Variants in FZR1 observed in about 807,000 individuals in gnomAD.
FZR1 encodes fizzy-related protein homolog.
A neutral mutation model predicts 63.6 loss-of-function variants in FZR1; 11 were observed. The ratio of observed to expected loss-of-function variants is 0.17; its 90% CI spans 0.11 to 0.29. FZR1 has a LOEUF of 0.29. Among genes scored for constraint, FZR1 ranks in the 10% least tolerant of loss-of-function variants. The pLI is 1.00. For synonymous variants in FZR1, 328 were observed against 297.9 expected (o/e 1.10, Z -1.04); for missense variants, 440 against 687.5 (o/e 0.64, Z 4.03).
At chr19:3,513,825 C>G (rs1011883258) in intron 1 of FZR1, among the ~76,000 whole-genome samples, 4 of 152,166 alleles carry the variant, frequency 2.6e-5, no homozygotes, top group African/African-American at 9.7e-5. Flanking sequence ...CCAGTGTCCA[C>G]TGGGCCAGGG....
In FZR1 at chr19:3,515,181, GTCAC is replaced by G. The variant is rs2083050124; in HGVS notation, c.-34-7769_-34-7766del. On this transcript the variant is annotated intron_variant, in intron 1 of 13. Transcript: ENST00000441788. The surrounding 1 kb of genome is among the most constrained non-coding windows in gnomAD (Gnocchi z 4.6). The stretch of plus-strand genomic sequence containing the variant: ...CTCTGCAGGGCCTGGCGGAGCACGA[GTCAC>G]TCACTGATTCACTGCTGATGTGCAG... Among the ~76,000 whole-genome samples, 2 of 152,232 alleles carry G rather than the reference GTCAC, an allele frequency of 1.3e-5. No homozygotes were observed. Among genetic ancestry groups the G allele is most frequent in the Admixed American group, 1.3e-4 (2 of 15,288 alleles).
At chr19:3,518,122 C>A (rs1258308087) in intron 1 of FZR1, among the ~76,000 whole-genome samples, 1 of 149,858 alleles carries the variant, frequency 6.7e-6, no homozygotes, top group Non-Finnish European at 1.5e-5. Context: ...TCAAGTGATT[C>A]ACCTGCCTCA....
rs915613535 is a variant in FZR1, at chr19:3,533,852, G to A, written c.1347+454G>A. 3 of 174,390 alleles carry A rather than the reference G, an allele frequency of 1.7e-5. No homozygotes were observed. The highest frequency in any genetic ancestry group is 1.5e-4 in the South Asian group (1 of 6,890). 10.8% of individuals were successfully genotyped at this position (174,390 alleles called of 1,614,324 possible). A position where few individuals can be genotyped will look rare whatever the true frequency, so the allele number is the denominator to read the frequency against. ...AAACATGTTCTGTGCTTTCATCCGCGCATCTGACAGTCCCTCATCTGTGCA... is the reference window on the plus strand; with the variant it reads ...AAACATGTTCTGTGCTTTCATCCGCACATCTGACAGTCCCTCATCTGTGCA... On this transcript the variant is annotated intron_variant, in intron 12 of 13. Coordinates refer to ENST00000441788, the MANE Select transcript of FZR1 (RefSeq NM_016263.4). The surrounding 1 kb of genome is among the most constrained non-coding windows in gnomAD (Gnocchi z 4.9).
Position 3,536,401 on chromosome 19 carries a change from G to A in FZR1, c.*1565G>A, listed in dbSNP as rs1020608517. The A allele has an allele frequency of 6.6e-6, 1 of 152,256 alleles. No homozygotes were observed. Among genetic ancestry groups the A allele is most frequent in the African/African-American group, 2.4e-5 (1 of 41,454 alleles). 9.4% of individuals were successfully genotyped at this position (152,256 alleles called of 1,614,324 possible). ...ACCCCTCACTGTGCGCCTGTGCAGG[G>A]GGTGCTGGTGCACGTGGCAGTGTGG... On this transcript the variant is annotated 3_prime_UTR_variant, in exon 14 of 14. Transcript: ENST00000441788.
At position 3,514,009 on chromosome 19, in the gene FZR1, G is replaced by A. The variant is rs954281546; in HGVS notation, c.-35+7535G>A. On this transcript the variant is annotated intron_variant, in intron 1 of 13. Coordinates refer to ENST00000441788, the MANE Select transcript of FZR1 (RefSeq NM_016263.4). The surrounding 1 kb of genome is among the most constrained non-coding windows in gnomAD (Gnocchi z 4.2). Reference sequence around the variant, plus strand: ...AGTTTTCCCAGCCAAGCAAGGCGTTGCAGGAGTAGGAGCTTGGCTGAGCCT... The same window carrying A: ...AGTTTTCCCAGCCAAGCAAGGCGTTACAGGAGTAGGAGCTTGGCTGAGCCT... Among the ~76,000 whole-genome samples, 1 of 152,218 alleles carries A rather than the reference G, an allele frequency of 6.6e-6. No homozygotes were observed. The highest frequency in any genetic ancestry group is 6.5e-5 in the Admixed American group (1 of 15,290).
At chr19:3,532,186 C>T (rs974863865) in intron 10 of FZR1, 91 bp downstream of exon 10, 67 of 1,266,950 alleles carry the variant, frequency 5.3e-5, no homozygotes, top group Admixed American at 1.7e-4. Context: ...GGGGCGGGCG[C>T]GGGCGCGGGG....
chr19:3,509,860 G>A (rs925841399), intron 1 of FZR1, among the ~76,000 whole-genome samples: 1 of 152,142 alleles, frequency 6.6e-6, no homozygotes, highest in Non-Finnish European at 1.5e-5. Flanking sequence ...TTCAGTGGAC[G>A]TTGGTGCTGT....
Position 3,535,273 on chromosome 19 carries a change from C to T in FZR1, c.*437C>T. On this transcript the variant is annotated 3_prime_UTR_variant, in exon 14 of 14. Coordinates refer to ENST00000441788, the MANE Select transcript of FZR1 (RefSeq NM_016263.4). ...GGCTGATTGGTGGGGGCCTGAGACCCCGGTTGCCCATTCATGGCTGCACCC... is the reference window on the plus strand; with the variant it reads ...GGCTGATTGGTGGGGGCCTGAGACCTCGGTTGCCCATTCATGGCTGCACCC... The T allele has an allele frequency of 5.8e-6, 1 of 171,082 alleles. No individual in the cohort carries two copies. Among genetic ancestry groups the T allele is most frequent in the Non-Finnish European group, 1.2e-5 (1 of 80,148 alleles). The allele number at this position is 171,082 out of a possible 1,614,324, so 10.6% of individuals were successfully genotyped here.
rs1306854384 is a variant in FZR1, at chr19:3,516,973, A to C, written c.-34-5983A>C. 6.6e-6 allele frequency among the ~76,000 whole-genome samples: 1 copy of C among 152,238 alleles called. No individual in the cohort carries two copies. Among genetic ancestry groups the C allele is most frequent in the African/African-American group, 2.4e-5 (1 of 41,452 alleles). On this transcript the variant is annotated intron_variant, in intron 1 of 13. Coordinates refer to ENST00000441788, the MANE Select transcript of FZR1 (RefSeq NM_016263.4). This position sits in a 1 kb window ranked among gnomAD's most constrained non-coding sequence, Gnocchi z 6.0. ...TCAGTGCTGACTTCAGGGCAGCATC[A>C]GTGTTCTGGGGAAGTGGGGGATGAT...
At chr19:3,519,949 G>A (rs2083086609) in intron 1 of FZR1, among the ~76,000 whole-genome samples, 1 of 151,456 alleles carries the variant, frequency 6.6e-6, no homozygotes. Context: ...ATCAGTCCCG[G>A]GGGGCCCCAC....
intron 1 of FZR1, among the ~76,000 whole-genome samples, chr19:3,512,464 G>A (rs1036471679): frequency 1.3e-5 from 2 of 152,242 alleles, no homozygotes; most frequent in Non-Finnish European, 2.9e-5. Flanking sequence ...TGGCCAGGAA[G>A]GGTTGAAGCT....
In FZR1 at chr19:3,531,764, C is replaced by T. The variant is rs751258413; in HGVS notation, c.771C>T (p.Asp257=). 103 of 1,549,952 alleles carry T rather than the reference C, an allele frequency of 6.6e-5. No individual in the cohort carries two copies. Among genetic ancestry groups the T allele is most frequent in the African/African-American group, 8.2e-5 (6 of 72,996 alleles). ...GTHKGFVQIW[D]AAAGKKLSML... ...ACAAGGGCTTCGTGCAGATCTGGGA[C>T]GCAGCCGCAGGGAAGAAGCTGTCCA... Residue 257 remains aspartate (D), a synonymous_variant, in exon 9 of 14, where the codon GAC becomes GAT. Coordinates refer to ENST00000441788, the MANE Select transcript of FZR1 (RefSeq NM_016263.4).
rs2083267781 is a variant in FZR1, at chr19:3,533,454, G to C, written c.1347+56G>C. ...CCGGGATTCTGGACAAACTGCCATG[G>C]CCACCCCAGAGCACCCTGTCCTGTG... On this transcript the variant is annotated intron_variant, in intron 12 of 13. Transcript: ENST00000441788. The surrounding 1 kb of genome is among the most constrained non-coding windows in gnomAD (Gnocchi z 4.9). 3 of 1,059,346 alleles carry C rather than the reference G, an allele frequency of 2.8e-6. No homozygotes were observed. Among genetic ancestry groups the C allele is most frequent in the Non-Finnish European group, 1.5e-6 (1 of 679,658 alleles). 65.6% of individuals were successfully genotyped at this position (1,059,346 alleles called of 1,614,324 possible). A position where few individuals can be genotyped will look rare whatever the true frequency, so the allele number is the denominator to read the frequency against.
rs898873264 is a variant in FZR1, at chr19:3,514,357, C to T, written c.-35+7883C>T. 2.0e-5 allele frequency among the ~76,000 whole-genome samples: 3 copies of T among 152,184 alleles called. No homozygotes were observed. The highest frequency in any genetic ancestry group is 4.4e-5 in the Non-Finnish European group (3 of 68,012). On this transcript the variant is annotated intron_variant, in intron 1 of 13. Coordinates refer to ENST00000441788, the MANE Select transcript of FZR1 (RefSeq NM_016263.4). This position sits in a 1 kb window ranked among gnomAD's most constrained non-coding sequence, Gnocchi z 4.2. ...GTTTTGCCCGAGAGCAGGGTCTCTG[C>T]CCTTGCACCCTGTGGACATTGGGGC...
In FZR1 at chr19:3,536,966, G is replaced by T. The variant is rs1449599259; in HGVS notation, c.*2130G>T. 3.3e-5 allele frequency: 5 copies of T among 152,132 alleles called. No individual in the cohort carries two copies. Among genetic ancestry groups the T allele is most frequent in the Admixed American group, 3.3e-4 (5 of 15,278 alleles). The allele number at this position is 152,132 out of a possible 1,614,324, so 9.4% of individuals were successfully genotyped here. ...GCCGGCCACAATCCTGCAGGGCCAAGGACTGGACTCCAGGCAAGTCCCTGC... is the reference window on the plus strand; with the variant it reads ...GCCGGCCACAATCCTGCAGGGCCAATGACTGGACTCCAGGCAAGTCCCTGC... On this transcript the variant is annotated 3_prime_UTR_variant, in exon 14 of 14. Transcript: ENST00000441788.
Position 3,532,068 on chromosome 19 carries a change from C to T in FZR1, c.981C>T (p.Leu327=), listed in dbSNP as rs114907916. 1 of 1,522,322 alleles carries T rather than the reference C, an allele frequency of 6.6e-7. No homozygotes were observed. The highest frequency in any genetic ancestry group is 2.0e-5 in the Admixed American group (1 of 50,040). 94.3% of individuals were successfully genotyped at this position (1,522,322 alleles called of 1,614,324 possible). A position where few individuals can be genotyped will look rare whatever the true frequency, so the allele number is the denominator to read the frequency against. Residue 327 remains leucine (L), a synonymous_variant, in exon 10 of 14, where the codon CTC becomes CTT. Coordinates refer to ENST00000441788, the MANE Select transcript of FZR1 (RefSeq NM_016263.4). The part of the protein sequence containing the change: ...CGLKWSTDHQ[L]LASGGNDNKL... ...TCAAGTGGTCCACAGACCACCAGCTCCTCGCCTCGGGGGGCAACGACAACA... is the reference window on the plus strand; with the variant it reads ...TCAAGTGGTCCACAGACCACCAGCTTCTCGCCTCGGGGGGCAACGACAACA...
At chr19:3,518,928 A>AT (rs1460759871) in intron 1 of FZR1, among the ~76,000 whole-genome samples, 1 of 151,954 alleles carries the variant, frequency 6.6e-6, no homozygotes, top group Non-Finnish European at 1.5e-5. Context: ...CACCAGCTTG[A>AT]TTTTCTCCCA....
chr19:3,529,743 GGT>G (rs1336204763), intron 7 of FZR1, among the ~76,000 whole-genome samples: 20 of 145,434 alleles, frequency 1.4e-4, no homozygotes, highest in African/African-American at 3.1e-4. Context: ...AGAGTGGATG[GGT>G]GAGCGCATGG....
rs779166312 is a variant in FZR1, at chr19:3,534,556, C to T, written c.1440+43C>T. On this transcript the variant is annotated intron_variant, in intron 13 of 13. Coordinates refer to ENST00000441788, the MANE Select transcript of FZR1 (RefSeq NM_016263.4). ...CAGCGCCACTCGCCCCCGCCCCAGC[C>T]TGTCCCAGGGTCGTCCCTGTCCCCA... 2.9e-5 allele frequency: 39 copies of T among 1,347,330 alleles called. 1 individual carries two copies. Among genetic ancestry groups the T allele is most frequent in the Admixed American group, 3.8e-5 (2 of 52,778 alleles). 83.5% of individuals were successfully genotyped at this position (1,347,330 alleles called of 1,614,324 possible). A position where few individuals can be genotyped will look rare whatever the true frequency, so the allele number is the denominator to read the frequency against.
Sources: gnomAD v4.1 joint callset for allele counts (sites outside exome capture counted in the v4.1 genomes callset) on GRCh38, gnomAD v4.1.1 for gene constraint, Gnocchi (gnomAD v3.1) non-coding constraint, MANE v1.5 for transcripts, NCBI Gene and HGNC (gene_info 2026-07-23, HGNC 2026-07-21) for gene names.